NR5A2: variants seen among roughly 807,000 people sequenced by gnomAD.
NR5A2 encodes the protein CYP7A promoter-binding factor.
A neutral mutation model predicts 62.7 loss-of-function variants in NR5A2; 26 were observed. The ratio of observed to expected loss-of-function variants is 0.41; its 90% CI spans 0.30 to 0.58. The LOEUF is 0.58. Ranked by LOEUF, NR5A2 falls within the 20% of genes least tolerant of loss-of-function variation. The pLI is 0.22. For synonymous variants in NR5A2, 246 were observed against 241.7 expected, an observed-to-expected ratio of 1.02 and a Z score of -0.16; for missense variants, 541 against 669.1, an observed-to-expected ratio of 0.81 and a Z score of 2.11.
chr1:200,164,725 T>A (rs1430151787), intron 7 of NR5A2, among the ~76,000 whole-genome samples: 1 of 151,274 alleles, frequency 6.6e-6, no homozygotes, highest in African/African-American at 2.4e-5. Flanking sequence ...TTTTTGTATT[T>A]TTAGAAGAGA....
At chr1:200,153,728 G>A (rs1398323773) in intron 7 of NR5A2, among the ~76,000 whole-genome samples, 2 of 151,908 alleles carry the variant, frequency 1.3e-5, no homozygotes, top group Non-Finnish European at 2.9e-5. Context: ...AGACAATAAT[G>A]TATGAGCAAG....
chr1:200,124,069 G>A (rs895018903), intron 7 of NR5A2, among the ~76,000 whole-genome samples: 2 of 152,112 alleles, frequency 1.3e-5, no homozygotes, highest in Non-Finnish European at 2.9e-5. Context: ...CTCTCAAAGT[G>A]CTGGGATTAC....
chr1:200,048,429 G>T lies in NR5A2; in HGVS notation c.721G>T (p.Val241Leu). ...PPTDYDRSPF[V>L]TSPISMTMPP... ...TACAGACTATGACAGAAGTCCCTTT[G>T]TAACATCCCCCATTAGCATGACAAT... Residue 241 changes from valine to leucine, a missense_variant, in exon 5 of 8, where the codon GTA becomes TTA. Physicochemically the swap from Val to Leu is conservative, Grantham distance 32 (BLOSUM62 1). Around this residue, in one of 3 missense-constraint regions of NR5A2, gnomAD observed 379 missense variants for 442.0 expected, o/e 0.86. Coordinates refer to ENST00000367362, the MANE Select transcript of NR5A2 (RefSeq NM_205860.3). This position sits in a 1 kb window ranked among gnomAD's most constrained non-coding sequence, Gnocchi z 4.8. 1 of 1,614,108 alleles carries T rather than the reference G, an allele frequency of 6.2e-7. No individual in the cohort carries two copies. The highest frequency in any genetic ancestry group is 1.1e-5 in the South Asian group (1 of 91,086).
At chr1:200,122,714 C>A (rs1420101347) in intron 7 of NR5A2, among the ~76,000 whole-genome samples, 4 of 152,158 alleles carry the variant, frequency 2.6e-5, no homozygotes, top group Admixed American at 6.5e-5. Flanking sequence ...TTCAGGAGCC[C>A]AGTACACCAG....
At chr1:200,029,071 C>T in intron 1 of NR5A2, 1 of 447,478 alleles carries the variant, frequency 2.2e-6, no homozygotes, top group Non-Finnish European at 4.5e-6. Context: ...GATGAGAGAG[C>T]AGCACACAAC....
rs761114930 is a variant in NR5A2 at position 200,147,582 on chromosome 1, A to C, written c.1379-26381A>C. The C allele has an allele frequency of 1.4e-6, 1 of 712,896 alleles. No individual in the cohort carries two copies. Among genetic ancestry groups the C allele is most frequent in the Non-Finnish European group, 2.6e-6 (1 of 383,794 alleles). The allele number at this position is 712,896 out of a possible 1,614,324, so 44.2% of individuals were successfully genotyped here. A position where few individuals can be genotyped will look rare whatever the true frequency, so the allele number is the denominator to read the frequency against. ...GTGTGCTTAAAGCGATCTCCTCTAC[A>C]CGAACGCTAGGGCAGAGCACATTTT... On this transcript the variant is annotated intron_variant, in intron 7 of 7. Coordinates refer to ENST00000367362, the MANE Select transcript of NR5A2 (RefSeq NM_205860.3). The surrounding 1 kb of genome is among the most constrained non-coding windows in gnomAD (Gnocchi z 4.9).
At chr1:200,040,477 C>T (rs981895105) in intron 2 of NR5A2, among the ~76,000 whole-genome samples, 28 of 152,172 alleles carry the variant, frequency 1.8e-4, no homozygotes, top group African/African-American at 4.6e-4. Flanking sequence ...ATGGAGGTCC[C>T]ATTCGTTTTC....
At chr1:200,070,670 ACT>A (rs1411955409) in intron 5 of NR5A2, among the ~76,000 whole-genome samples, 3 of 118,222 alleles carry the variant, frequency 2.5e-5, no homozygotes, top group Non-Finnish European at 5.4e-5. Flanking sequence ...ACAGAGTGAG[ACT>A]CTGTCTCAAA....
At chr1:200,106,061 C>CCTCTGGTTT (rs373033375) in intron 5 of NR5A2, among the ~76,000 whole-genome samples, 1 of 115,060 alleles carries the variant, frequency 8.7e-6, no homozygotes, top group Non-Finnish European at 1.9e-5. Context: ...CAGATTCACT[C>CCTCTGGTTT]TTCTTTTTTT....
chr1:200,126,023 T>G (rs1666684745), intron 7 of NR5A2, among the ~76,000 whole-genome samples: 1 of 152,038 alleles, frequency 6.6e-6, no homozygotes, highest in African/African-American at 2.4e-5. Flanking sequence ...ATTTTTTAAT[T>G]TTTTTATAGA....
At chr1:200,068,299 A>G (rs1171226510) in intron 5 of NR5A2, among the ~76,000 whole-genome samples, 1 of 152,216 alleles carries the variant, frequency 6.6e-6, no homozygotes, top group Non-Finnish European at 1.5e-5. Context: ...ACAAAATTAC[A>G]GATGAGCATA....
chr1:200,033,728 A>T (rs2737664), intron 1 of NR5A2, among the ~76,000 whole-genome samples: 109,885 of 152,140 alleles, frequency 0.72, 41,105 homozygotes, highest in African/African-American at 0.92. Context: ...GAAAGTTATC[A>T]CCATGTTGGA....
chr1:200,029,792 C>A (rs558969735), intron 1 of NR5A2: 2 of 152,240 alleles, frequency 1.3e-5, no homozygotes, highest in Non-Finnish European at 1.5e-5. Flanking sequence ...CCAAGCACAT[C>A]CCCTCCGCCT....
chr1:200,123,150 C>T (rs1029378236), intron 7 of NR5A2, among the ~76,000 whole-genome samples: 1 of 152,160 alleles, frequency 6.6e-6, no homozygotes, highest in African/African-American at 2.4e-5. Flanking sequence ...ATATTTTTGT[C>T]TCAGCCCAGC....
At chr1:200,115,564 C>G (rs188351508) in intron 6 of NR5A2, among the ~76,000 whole-genome samples, 2 of 152,068 alleles carry the variant, frequency 1.3e-5, no homozygotes, top group Non-Finnish European at 2.9e-5. Flanking sequence ...TTCTGATGGC[C>G]TGATAAATGA....
Position 200,175,920 on chromosome 1 carries a change from A to G in NR5A2, c.*1710A>G, listed in dbSNP as rs1654398596. On this transcript the variant is annotated 3_prime_UTR_variant, in exon 8 of 8. Transcript: ENST00000367362. ...CTTTTGAGTAGTGTATTTATATTGTATATCATACTTTCAACTGTAGACAAT... is the reference window on the plus strand; with the variant it reads ...CTTTTGAGTAGTGTATTTATATTGTGTATCATACTTTCAACTGTAGACAAT... 6.6e-6 allele frequency: 1 copy of G among 152,602 alleles called. No individual in the cohort carries two copies. The highest frequency in any genetic ancestry group is 2.4e-5 in the African/African-American group (1 of 41,442). 9.5% of individuals were successfully genotyped at this position (152,602 alleles called of 1,614,324 possible).
chr1:200,038,595 T>C (rs1280343430), intron 1 of NR5A2: 1 of 715,522 alleles, frequency 1.4e-6, no homozygotes, highest in Non-Finnish European at 2.2e-6. Context: ...TTTTCTCCTT[T>C]CAATGGTTTA....
intron 7 of NR5A2, among the ~76,000 whole-genome samples, chr1:200,126,158 A>G (rs1288412604): frequency 6.6e-6 from 1 of 152,164 alleles, no homozygotes; most frequent in East Asian, 1.9e-4. Context: ...CTCCCTTGAA[A>G]GACCTTTAAA....
rs939218217 is a variant in NR5A2, at chr1:200,095,750, T to C, written c.1111-15452T>C. Among the ~76,000 whole-genome samples, 28 of 151,840 alleles carry C rather than the reference T, an allele frequency of 1.8e-4. 2 individuals are homozygous for C. The highest frequency in any genetic ancestry group is 8.3e-4 in the South Asian group (4 of 4,796). ...TGTATTTTTAGTAGAGACAGGGTTTTACCACGTTAGCCAGGATGGTGTCGA... is the reference window on the plus strand; with the variant it reads ...TGTATTTTTAGTAGAGACAGGGTTTCACCACGTTAGCCAGGATGGTGTCGA... On this transcript the variant is annotated intron_variant, in intron 5 of 7. Transcript: ENST00000367362.
Sources: allele counts gnomAD v4.1 joint callset (sites outside exome capture counted in the v4.1 genomes callset), GRCh38; gene constraint gnomAD v4.1.1; regional missense constraint gnomAD v4.1.1; non-coding constraint Gnocchi (gnomAD v3.1); transcripts MANE v1.5; gene names NCBI Gene and HGNC (gene_info 2026-07-23, HGNC 2026-07-21).